Variants in SCRN3 observed in about 807,000 individuals in gnomAD.
SCRN3 encodes the protein secernin-3.
SCRN3 carries 39 observed loss-of-function variants against 43.1 expected under a neutral mutation model. That is an observed-to-expected ratio of 0.91 (90% CI 0.70 to 1.18). The LOEUF is 1.18. Among genes scored for constraint, SCRN3 ranks in the 50% most tolerant of loss-of-function variants. SCRN3 has a pLI of 0.00. For synonymous variants in SCRN3, 147 were observed against 163.1 expected (o/e 0.90, Z 0.75); for missense variants, 484 against 498.0 (o/e 0.97, Z 0.27).
intron 2 of SCRN3, 100 bp downstream of exon 2, chr2:174,398,542 TGAG>T (rs1685403195): frequency 3.9e-6 from 4 of 1,021,860 alleles, no homozygotes; most frequent in African/African-American, 3.4e-5. Flanking sequence ...AAGTTAAAAT[TGAG>T]GAGTTTACAT....
Position 174,427,803 on chromosome 2 carries a change from G to C in SCRN3, c.1183G>C (p.Asp395His), listed in dbSNP as rs141776364. The C allele has an allele frequency of 1.2e-6, 2 of 1,611,308 alleles. No homozygotes were observed. Among genetic ancestry groups the C allele is most frequent in the African/African-American group, 2.7e-5 (2 of 74,890 alleles). Residue 395 changes from aspartate to histidine, a missense_variant, in exon 8 of 8, where the codon GAT (aspartate) becomes CAT (histidine). Transcript: ENST00000272732. Reference sequence around the variant, plus strand: ...ATCAATCCTTCAAAACAAGCATCTTGATGTGGAGAAAATTGTTAATCTCTT... The same window carrying C: ...ATCAATCCTTCAAAACAAGCATCTTCATGTGGAGAAAATTGTTAATCTCTT... Reference protein sequence around the residue: ...MESILQNKHLDVEKIVNLFPQ... With the variant: ...MESILQNKHLHVEKIVNLFPQ...
At chr2:174,412,559 C>G (rs1413401223) in intron 5 of SCRN3, among the ~76,000 whole-genome samples, 6 of 152,132 alleles carry the variant, frequency 3.9e-5, no homozygotes, top group Non-Finnish European at 2.9e-5. Flanking sequence ...TGCCCTCTCT[C>G]TGTTTTCCTG....
intron 5 of SCRN3, among the ~76,000 whole-genome samples, chr2:174,405,881 T>C (rs1685676858): frequency 6.7e-6 from 1 of 148,382 alleles, no homozygotes. Context: ...TAGTTTGAAG[T>C]CAGGTAGTGT....
intron 7 of SCRN3, among the ~76,000 whole-genome samples, chr2:174,425,447 T>C (rs539138301): frequency 6.6e-6 from 1 of 152,284 alleles, no homozygotes; most frequent in East Asian, 1.9e-4. Flanking sequence ...TACCTCCTGG[T>C]TTTTCTTGCC....
At chr2:174,417,812 C>T (rs1051736176) in intron 5 of SCRN3, among the ~76,000 whole-genome samples, 14 of 152,248 alleles carry the variant, frequency 9.2e-5, no homozygotes, top group Middle Eastern at 3.4e-3. Flanking sequence ...TCTTACTTGT[C>T]GTATTTTTCT....
rs747115497 is a variant in SCRN3, at chr2:174,423,071, C to T, written c.917+24C>T. ...AGGTGAAGCCACAAAATACTATAAA[C>T]CAGCAAGGGGTCAGGGGATGGAGTA... On this transcript the variant is annotated intron_variant, in intron 6 of 7. Coordinates refer to ENST00000272732, the MANE Select transcript of SCRN3 (RefSeq NM_024583.5). 53 of 1,598,148 alleles carry T rather than the reference C, an allele frequency of 3.3e-5. No homozygotes were observed. In the Admixed American group the frequency reaches 8.7e-4, roughly 26 times the overall value.
intron 7 of SCRN3, among the ~76,000 whole-genome samples, chr2:174,427,109 C>T (rs140223666): frequency 0.018 from 2,691 of 152,216 alleles, 83 homozygotes; most frequent in African/African-American, 0.062. Flanking sequence ...GGGTTACAGG[C>T]GTGAGCCACT....
intron 5 of SCRN3, among the ~76,000 whole-genome samples, chr2:174,409,477 T>C (rs1685820458): frequency 6.8e-6 from 1 of 147,872 alleles, no homozygotes; most frequent in South Asian, 2.2e-4. Context: ...TCATTCTCCA[T>C]CCAGCTTTGT....
chr2:174,426,314 A>T (rs72919553), intron 7 of SCRN3, among the ~76,000 whole-genome samples: 26,786 of 152,138 alleles, frequency 0.18, 2,996 homozygotes, highest in Middle Eastern at 0.31. Context: ...CCAAAAAGGT[A>T]ACAAATTATT....
At chr2:174,426,549 A>G (rs1021819507) in intron 7 of SCRN3, among the ~76,000 whole-genome samples, 3 of 152,102 alleles carry the variant, frequency 2.0e-5, no homozygotes, top group Non-Finnish European at 4.4e-5. Context: ...AGGCGGGTAG[A>G]TCAACTTAGG....
chr2:174,400,297 A>T (rs1685462729), intron 3 of SCRN3, among the ~76,000 whole-genome samples, 194 bp downstream of exon 3: 1 of 151,808 alleles, frequency 6.6e-6, no homozygotes, highest in African/African-American at 2.4e-5. Flanking sequence ...ATTAATTTTT[A>T]TTTTTTTGAG....
Position 174,428,068 on chromosome 2 carries a change from TAGAA to T in SCRN3, c.*179_*182del, listed in dbSNP as rs1686552515. 9.8e-6 allele frequency: 4 copies of T among 409,774 alleles called. No homozygotes were observed. Among genetic ancestry groups the T allele is most frequent in the Admixed American group, 4.4e-5 (1 of 22,978 alleles). 25.4% of individuals were successfully genotyped at this position (409,774 alleles called of 1,614,324 possible). On this transcript the variant is annotated 3_prime_UTR_variant, in exon 8 of 8. Coordinates refer to ENST00000272732, the MANE Select transcript of SCRN3 (RefSeq NM_024583.5). ...TAAACTACGTATAGTGTTGCTGAAA[TAGAA>T]AGAAAACAGCATTGGAATTGGATTC...
In SCRN3 at chr2:174,428,975, G is replaced by A. The variant is rs1686577166; in HGVS notation, c.*1080G>A. ...TTACTAGTCACTATCAGCACAATTA[G>A]GTTAATAAAGAAGTGGGTCATTATA... On this transcript the variant is annotated 3_prime_UTR_variant, in exon 8 of 8. Coordinates refer to ENST00000272732, the MANE Select transcript of SCRN3 (RefSeq NM_024583.5). The A allele has an allele frequency of 6.6e-6, 1 of 152,152 alleles. No individual in the cohort carries two copies. Among genetic ancestry groups the A allele is most frequent in the South Asian group, 2.1e-4 (1 of 4,832 alleles). The allele number at this position is 152,152 out of a possible 1,614,324, so 9.4% of individuals were successfully genotyped here.
At position 174,427,971 on chromosome 2, in the gene SCRN3, G is replaced by T; in HGVS notation, c.*76G>T. Reference sequence around the variant, plus strand: ...CTTCAAAGTCAGAATCTATCACCTTGGTAAATTATATAAACCTAACTTGAG... The same window carrying T: ...CTTCAAAGTCAGAATCTATCACCTTTGTAAATTATATAAACCTAACTTGAG... On this transcript the variant is annotated 3_prime_UTR_variant, in exon 8 of 8. Transcript: ENST00000272732. 1 of 1,003,540 alleles carries T rather than the reference G, an allele frequency of 1.0e-6. No individual in the cohort carries two copies. Among genetic ancestry groups the T allele is most frequent in the East Asian group, 2.5e-5 (1 of 40,684 alleles). 62.2% of individuals were successfully genotyped at this position (1,003,540 alleles called of 1,614,324 possible).
At chr2:174,426,446 A>C (rs907954161) in intron 7 of SCRN3, among the ~76,000 whole-genome samples, 5 of 152,204 alleles carry the variant, frequency 3.3e-5, no homozygotes, top group Admixed American at 3.3e-4. Context: ...TGTTTTGTAG[A>C]GTTCTACCCC....
chr2:174,412,254 T>A (rs1175041942), intron 5 of SCRN3, among the ~76,000 whole-genome samples: 2 of 152,110 alleles, frequency 1.3e-5, no homozygotes, highest in Non-Finnish European at 2.9e-5. Flanking sequence ...GTACTGGGTG[T>A]CAACAGAAAG....
intron 4 of SCRN3, 92 bp from the exon 5 acceptor site, chr2:174,404,011 T>C: frequency 2.1e-6 from 2 of 942,184 alleles, no homozygotes; most frequent in Non-Finnish European, 3.2e-6. Flanking sequence ...TATTTATGTT[T>C]ACATAGTGAT....
At chr2:174,422,364 A>G (rs1006575063) in intron 5 of SCRN3, among the ~76,000 whole-genome samples, 2 of 152,192 alleles carry the variant, frequency 1.3e-5, no homozygotes, top group Non-Finnish European at 2.9e-5. Context: ...ACCTGAGGTC[A>G]GGAGTTCAAG....
rs945884829 is a variant in SCRN3, at chr2:174,428,635, C to T, written c.*740C>T. The T allele has an allele frequency of 2.0e-5, 3 of 152,158 alleles. No homozygotes were observed. Among genetic ancestry groups the T allele is most frequent in the African/African-American group, 7.2e-5 (3 of 41,440 alleles). The allele number at this position is 152,158 out of a possible 1,614,324, so 9.4% of individuals were successfully genotyped here. The stretch of plus-strand genomic sequence containing the variant: ...CTGTTTCTGGGTCTGAAATCTCTCT[C>T]ATTGTTTACTTCTGTTCACTCAGTG... On this transcript the variant is annotated 3_prime_UTR_variant, in exon 8 of 8. Transcript: ENST00000272732.
Sources: allele counts gnomAD v4.1 joint callset (sites outside exome capture counted in the v4.1 genomes callset), GRCh38; gene constraint gnomAD v4.1.1; transcripts MANE v1.5; gene names NCBI Gene and HGNC (gene_info 2026-07-23, HGNC 2026-07-21).